Variants in CELF2 observed in about 807,000 individuals in gnomAD.
The protein encoded by CELF2 is CUGBP Elav-like family member 2.
Under a neutral mutation model 62.6 loss-of-function variants are expected in CELF2, and 8 were observed. That is an observed-to-expected ratio of 0.13 (90% confidence interval 0.07 to 0.23). CELF2 has a LOEUF of 0.23. CELF2 is among the 10% of genes least tolerant of loss of function. The probability of loss-of-function intolerance (pLI) is 1.00; values close to 1 mark genes in which losing one functional copy is unlikely to be tolerated. For synonymous variants in CELF2, 258 were observed against 250.0 expected, an observed-to-expected ratio of 1.03 and a Z score of -0.30; for missense variants, 333 against 671.0, an observed-to-expected ratio of 0.50 and a Z score of 5.56.
the CELF2 span, among the ~76,000 whole-genome samples, chr10:10,643,842 A>G: frequency 6.6e-6 from 1 of 152,150 alleles, no homozygotes; most frequent in Admixed American, 6.5e-5. Flanking sequence ...TTAAGTGGCA[A>G]TTTCTTAACT....
chr10:11,036,187 C>A (rs1313064170), intron 1 of CELF2, among the ~76,000 whole-genome samples: 2 of 152,200 alleles, frequency 1.3e-5, no homozygotes, highest in African/African-American at 4.8e-5. Flanking sequence ...TAGAGAATTT[C>A]TTAGGAAGGA....
rs75575394 is a variant in CELF2, at chr10:11,005,868, C to T, written c.53+428C>T. Among the ~76,000 whole-genome samples, 1,805 of 152,218 alleles carry T rather than the reference C, an allele frequency of 0.012. 35 individuals carry two copies. The highest frequency in any genetic ancestry group is 0.041 in the African/African-American group (1,712 of 41,530). On this transcript the variant is annotated intron_variant, in intron 1 of 12. Coordinates refer to the CELF2 transcript ENST00000416382. This position sits in a 1 kb window ranked among gnomAD's most constrained non-coding sequence, Gnocchi z 4.3. Reference sequence around the variant, plus strand: ...CATATTAGACTTGCGTTCCAAATACCGCTCTAATCTGGACTTAGCCTACCT... The same window carrying T: ...CATATTAGACTTGCGTTCCAAATACTGCTCTAATCTGGACTTAGCCTACCT...
chr10:11,320,632 C>CAGTT, intron 10 of CELF2, among the ~76,000 whole-genome samples: 1 of 152,312 alleles, frequency 6.6e-6, no homozygotes, highest in Middle Eastern at 3.4e-3. Flanking sequence ...CACACTGTAA[C>CAGTT]TCCTCAAACT....
chr10:10,607,189 C>T, the CELF2 span, among the ~76,000 whole-genome samples: 1 of 152,174 alleles, frequency 6.6e-6, no homozygotes, highest in Non-Finnish European at 1.5e-5. Flanking sequence ...GAAGATTCCA[C>T]ATCAGCCAAC....
At chr10:10,588,030 T>C in the CELF2 span, among the ~76,000 whole-genome samples, 1 of 151,800 alleles carries the variant, frequency 6.6e-6, no homozygotes, top group Non-Finnish European at 1.5e-5. Flanking sequence ...TTTTTTTTTT[T>C]ACATAATGTT....
At chr10:10,608,934 G>A in the CELF2 span, among the ~76,000 whole-genome samples, 192 of 152,240 alleles carry the variant, frequency 1.3e-3, 1 homozygote, top group African/African-American at 4.3e-3. Flanking sequence ...AAGTATAAAC[G>A]CTCCAGAAAT....
chr10:10,894,866 G>A (rs1564783637), intron 1 of CELF2, among the ~76,000 whole-genome samples: 1 of 152,110 alleles, frequency 6.6e-6, no homozygotes, highest in Non-Finnish European at 1.5e-5. Context: ...GAAAATGTCT[G>A]TCCATTTAAA....
the CELF2 span, among the ~76,000 whole-genome samples, chr10:10,744,160 A>G: frequency 6.6e-6 from 1 of 152,196 alleles, no homozygotes; most frequent in Non-Finnish European, 1.5e-5. Flanking sequence ...TACGAGTGCC[A>G]GTATTGCCAG....
At chr10:10,715,128 T>G in the CELF2 span, among the ~76,000 whole-genome samples, 17 of 152,260 alleles carry the variant, frequency 1.1e-4, no homozygotes, top group Non-Finnish European at 2.1e-4. Context: ...ATTAAGTGAG[T>G]CAATAGCAAA....
chr10:10,966,267 T>C (rs2050113279), intron 2 of CELF2, among the ~76,000 whole-genome samples: 1 of 152,234 alleles, frequency 6.6e-6, no homozygotes, highest in Admixed American at 6.5e-5. Flanking sequence ...TCTCCCTTTG[T>C]TAGCTAGTGA....
the CELF2 span, among the ~76,000 whole-genome samples, chr10:10,556,921 T>G: frequency 1.4e-5 from 2 of 141,030 alleles, no homozygotes; most frequent in South Asian, 5.0e-4. Context: ...TCATTGTAGA[T>G]TCTGGATATT....
intron 2 of CELF2, chr10:10,945,876 A>T (rs1457209930): frequency 1.3e-5 from 2 of 152,442 alleles, no homozygotes; most frequent in East Asian, 3.9e-4. Flanking sequence ...GTTAATGCCT[A>T]CCCTCAAACA....
At chr10:11,025,454 C>G (rs938415934) in intron 1 of CELF2, among the ~76,000 whole-genome samples, 8 of 151,936 alleles carry the variant, frequency 5.3e-5, no homozygotes, top group African/African-American at 1.9e-4. Context: ...TTATAAGGGG[C>G]CCTTCCCCCT....
the CELF2 span, among the ~76,000 whole-genome samples, chr10:10,752,707 AGAAAGAAAAAG>A: frequency 7.1e-6 from 1 of 140,696 alleles, no homozygotes; most frequent in African/African-American, 2.6e-5. Flanking sequence ...AAAAAAAAAA[AGAAAGAAAAAG>A]AAAAAAAAAG....
chr10:10,714,503 C>G, the CELF2 span, among the ~76,000 whole-genome samples: 2 of 152,140 alleles, frequency 1.3e-5, no homozygotes, highest in Non-Finnish European at 2.9e-5. Flanking sequence ...GAAAAAAAAT[C>G]ACAGACTACC....
In CELF2 at chr10:11,178,170, G is replaced by A. The variant is rs1357193735; in HGVS notation, c.271+12488G>A. ...CTGGTTCGGCGCAAAGAGGAAATGC[G>A]CGTTCTGTGCCCAGTCCTCGCTCCC... On this transcript the variant is annotated intron_variant, in intron 2 of 12. Transcript: ENST00000633077. This position sits in a 1 kb window ranked among gnomAD's most constrained non-coding sequence, Gnocchi z 4.3. Among the ~76,000 whole-genome samples the A allele has an allele frequency of 2.6e-5, 4 of 152,344 alleles. No individual in the cohort carries two copies. Among genetic ancestry groups the A allele is most frequent in the East Asian group, 1.9e-4 (1 of 5,184 alleles).
the CELF2 span, among the ~76,000 whole-genome samples, chr10:10,752,462 G>A: frequency 1.3e-5 from 2 of 152,112 alleles, no homozygotes; most frequent in African/African-American, 4.8e-5. Flanking sequence ...AGGCCAACGT[G>A]GGCAGATCAT....
intron 1 of CELF2, among the ~76,000 whole-genome samples, chr10:10,893,095 G>A (rs2133942709): frequency 6.6e-6 from 1 of 152,308 alleles, no homozygotes; most frequent in South Asian, 2.1e-4. Context: ...TTGCTTTGAA[G>A]CAAGAATTGG....
chr10:10,804,243 A>G (rs1482056714), intron 1 of CELF2, among the ~76,000 whole-genome samples: 3 of 152,238 alleles, frequency 2.0e-5, no homozygotes, highest in Non-Finnish European at 4.4e-5. Flanking sequence ...TCACAACTAT[A>G]CAACTTTGCT....
Sources: allele counts gnomAD v4.1 joint callset (sites outside exome capture counted in the v4.1 genomes callset), GRCh38; gene constraint gnomAD v4.1.1; non-coding constraint Gnocchi (gnomAD v3.1); transcripts MANE v1.5; gene names NCBI Gene and HGNC (gene_info 2026-07-23, HGNC 2026-07-21).